CELA3B: variants seen among roughly 807,000 people sequenced by gnomAD.
The protein encoded by CELA3B is chymotrypsin-like elastase family member 3B.
In CELA3B, 34 loss-of-function variants were observed where a neutral mutation model predicts 37.2. That is an observed-to-expected ratio of 0.91 (90% CI 0.70 to 1.22). CELA3B has a LOEUF of 1.22. CELA3B is among the 50% of genes most tolerant of loss of function. The probability of loss-of-function intolerance (pLI) is 0.00; values close to 1 mark genes in which losing one functional copy is unlikely to be tolerated. For synonymous variants in CELA3B, 127 were observed against 143.5 expected (o/e 0.89, Z 0.82); for missense variants, 340 against 363.1 (o/e 0.94, Z 0.52).
At chr1:21,987,683 A>G (rs1644847461) in intron 7 of CELA3B, 1 of 150,940 alleles carries the variant, frequency 6.6e-6, no homozygotes, top group Non-Finnish European at 1.5e-5. Context: ...TCAGAAACAG[A>G]GCAGGTCAAA....
intron 2 of CELA3B, 112 bp from the exon 3 acceptor site, chr1:21,980,712 C>A: frequency 1.3e-6 from 1 of 782,468 alleles, no homozygotes; most frequent in South Asian, 1.7e-5. Flanking sequence ...CTCTTGTTTT[C>A]CGTGTGAATG....
At position 21,996,103 on chromosome 1, in the gene CELA3B, C is replaced by G. The variant is rs1370249811; in HGVS notation, c.505-2048C>G. On this transcript the variant is annotated intron_variant, in intron 4 of 4. Coordinates refer to the CELA3B transcript ENST00000400277. The stretch of plus-strand genomic sequence containing the variant: ...TGGCACATGCCTGTAGTTCCAGCTA[C>G]TGGGGAGGCTGAGGCATGAGAATTG... Among the ~76,000 whole-genome samples, 4 of 151,188 alleles carry G rather than the reference C, an allele frequency of 2.6e-5. 1 individual carries two copies. Among genetic ancestry groups the G allele is most frequent in the Non-Finnish European group, 5.9e-5 (4 of 67,906 alleles).
In CELA3B at chr1:21,980,865, C is replaced by G. The variant is rs7528300; in HGVS notation, c.171C>G (p.Thr57=). ...QYEKSGSFYH[T]CGGSLIAPDW... ...AGAAAAGCGGAAGCTTCTACCACAC[C>G]TGTGGCGGTAGCCTCATCGCCCCCG... Residue 57 remains threonine, a synonymous_variant, in exon 3 of 8, where the codon ACC becomes ACG. Coordinates refer to ENST00000337107, the MANE Select transcript of CELA3B (RefSeq NM_007352.4). 0.96 allele frequency: 1,531,016 copies of G among 1,595,780 alleles called. 738,425 individuals are homozygous for G. The highest frequency in any genetic ancestry group is 0.98 in the Non-Finnish European group (1,146,918 of 1,169,520).
downstream of CELA3B, among the ~76,000 whole-genome samples, chr1:21,992,982 A>G (rs1462310102): frequency 1.3e-5 from 2 of 149,646 alleles, 1 homozygote; most frequent in African/African-American, 5.0e-5. Flanking sequence ...AAAAAAAAAA[A>G]GAAAGAAAAA....
At position 21,981,031 on chromosome 1, in the gene CELA3B, C is replaced by T; in HGVS notation, c.228-7C>T. ...CAGGCCCAGACTGACCTCACCTCCGCCCGCAGGAGCTCCCGGACCTACCAG... is the reference window on the plus strand; with the variant it reads ...CAGGCCCAGACTGACCTCACCTCCGTCCGCAGGAGCTCCCGGACCTACCAG... On this transcript the variant is annotated splice_region_variant and splice_polypyrimidine_tract_variant and intron_variant, in intron 3 of 7. Coordinates refer to ENST00000337107, the MANE Select transcript of CELA3B (RefSeq NM_007352.4). 6.8e-6 allele frequency: 11 copies of T among 1,614,088 alleles called. No individual in the cohort carries two copies. Among genetic ancestry groups the T allele is most frequent in the Non-Finnish European group, 9.3e-6 (11 of 1,180,006 alleles).
At chr1:21,983,913 A>G in intron 5 of CELA3B, 83 bp downstream of exon 5, 1 of 1,421,724 alleles carries the variant, frequency 7.0e-7, no homozygotes, top group Non-Finnish European at 9.6e-7. Flanking sequence ...GGTAACACCA[A>G]GACCAGACCT....
At chr1:21,997,083 G>C (rs1644893605) in intron 4 of CELA3B, among the ~76,000 whole-genome samples, 1 of 151,344 alleles carries the variant, frequency 6.6e-6, no homozygotes, top group Non-Finnish European at 1.5e-5. Flanking sequence ...AGTCCCGCCG[G>C]GCGTGGTGGC....
chr1:21,994,123 A>C (rs1569855630), downstream of CELA3B, among the ~76,000 whole-genome samples: 1 of 151,640 alleles, frequency 6.6e-6, no homozygotes, highest in African/African-American at 2.4e-5. Flanking sequence ...CTCCCATCCC[A>C]GAGAAGCTCC....
At chr1:21,989,842 T>A (rs1569852512), downstream of CELA3B, among the ~76,000 whole-genome samples, 2 of 150,866 alleles carry the variant, frequency 1.3e-5, no homozygotes, top group Middle Eastern at 6.8e-3. Context: ...GAGACATGGT[T>A]CCTGCCCTGA....
Position 21,981,125 on chromosome 1 carries a change from G to C in CELA3B, c.315G>C (p.Gly105=). The stretch of plus-strand genomic sequence containing the variant: ...AGCAGGTGATCCCCATCAACTCTGG[G>C]GACCTCTTTGTGCATCCACTCTGGA... ...GPEQVIPINS[G]DLFVHPLWNR... Residue 105 remains glycine (G), a synonymous_variant, in exon 4 of 8, where the codon GGG becomes GGC. Transcript: ENST00000337107. 6.2e-7 allele frequency: 1 copy of C among 1,612,982 alleles called. No individual in the cohort carries two copies. The highest frequency in any genetic ancestry group is 8.5e-7 in the Non-Finnish European group (1 of 1,180,018).
At position 21,984,172 on chromosome 1, in the gene CELA3B, G is replaced by A. The variant is rs775292302; in HGVS notation, c.500-17G>A. 1.2e-5 allele frequency: 20 copies of A among 1,610,244 alleles called. No homozygotes were observed. Among genetic ancestry groups the A allele is most frequent in the Admixed American group, 1.7e-5 (1 of 59,670 alleles). ...TGTGCCCCCAGACCCCTGACTCGGT[G>A]CTTTTTATCGCTGCAGCCAACGGGC... On this transcript the variant is annotated splice_polypyrimidine_tract_variant and intron_variant, in intron 5 of 7. Coordinates refer to ENST00000337107, the MANE Select transcript of CELA3B (RefSeq NM_007352.4).
Position 21,981,068 on chromosome 1 carries a change from C to A in CELA3B, c.258C>A (p.Gly86=). The part of the protein sequence containing the change: ...SSSRTYQVVL[G]EYDRAVKEGP... Reference sequence around the variant, plus strand: ...CCCGGACCTACCAGGTGGTGTTGGGCGAGTACGACCGTGCTGTGAAGGAGG... The same window carrying A: ...CCCGGACCTACCAGGTGGTGTTGGGAGAGTACGACCGTGCTGTGAAGGAGG... Residue 86 remains glycine, a synonymous_variant, in exon 4 of 8, where the codon GGC becomes GGA. Transcript: ENST00000337107. 6.2e-7 allele frequency: 1 copy of A among 1,613,974 alleles called. No homozygotes were observed. The highest frequency in any genetic ancestry group is 8.5e-7 in the Non-Finnish European group (1 of 1,180,022).
At position 21,981,919 on chromosome 1, in the gene CELA3B, G is replaced by A. The variant is rs557176954; in HGVS notation, c.362+747G>A. Among the ~76,000 whole-genome samples, 43 of 152,020 alleles carry A rather than the reference G, an allele frequency of 2.8e-4. No individual in the cohort carries two copies. The East Asian group carries it at 5.0e-3, about 18-fold the overall frequency. The stretch of plus-strand genomic sequence containing the variant: ...TTTTTGTATTTTTAGTAGAGACGGG[G>A]TTTCACCGTGTTAGCCAGGATGATC... On this transcript the variant is annotated intron_variant, in intron 4 of 7. Transcript: ENST00000337107.
At chr1:21,980,973 G>A (rs779431023) in intron 3 of CELA3B, 52 bp downstream of exon 3, 1 of 1,614,122 alleles carries the variant, frequency 6.2e-7, no homozygotes, top group South Asian at 1.1e-5. Context: ...TGGGGAGGGT[G>A]GGTGATGATG....
intron 4 of CELA3B, among the ~76,000 whole-genome samples, chr1:21,982,335 C>T (rs372916887): frequency 1.4e-4 from 21 of 152,176 alleles, no homozygotes; most frequent in East Asian, 7.8e-4. Flanking sequence ...TGGCCAGGCA[C>T]GGTAATCCCA....
rs1644800972 is a variant in CELA3B, at chr1:21,981,014, G to A, written c.228-24G>A. ...GGAGGGAGGTAGCCAGTCAGGCCCA[G>A]ACTGACCTCACCTCCGCCCGCAGGA... On this transcript the variant is annotated intron_variant, in intron 3 of 7. Transcript: ENST00000337107. 6.8e-6 allele frequency: 11 copies of A among 1,614,140 alleles called. No homozygotes were observed. In the East Asian group the frequency reaches 2.5e-4, roughly 36 times the overall value.
At chr1:21,985,183 T>C (rs138540321) in intron 6 of CELA3B, among the ~76,000 whole-genome samples, 1,824 of 152,038 alleles carry the variant, frequency 0.012, 46 homozygotes, top group African/African-American at 0.041. Context: ...CTTGAGAGGC[T>C]GAGGTGGGAG....
chr1:21,981,694 G>A (rs1312200144), intron 4 of CELA3B, among the ~76,000 whole-genome samples: 1 of 151,604 alleles, frequency 6.6e-6, no homozygotes, highest in East Asian at 1.9e-4. Context: ...AGGCCAAGGA[G>A]ACAATCTTAT....
downstream of CELA3B, among the ~76,000 whole-genome samples, chr1:21,991,872 C>A (rs1237850783): frequency 6.6e-6 from 1 of 150,894 alleles, no homozygotes; most frequent in Non-Finnish European, 1.5e-5. Context: ...GTCATCCCAG[C>A]ACTTTGGGAG....
Sources: allele counts gnomAD v4.1 joint callset (sites outside exome capture counted in the v4.1 genomes callset), GRCh38; gene constraint gnomAD v4.1.1; transcripts MANE v1.5; gene names NCBI Gene and HGNC (gene_info 2026-07-23, HGNC 2026-07-21).